ZNG1E: variants seen among roughly 807,000 people sequenced by gnomAD.
The protein encoded by ZNG1E is zinc-regulated GTPase metalloprotein activator 1E.
the ZNG1E span, among the ~76,000 whole-genome samples, chr9:65,671,326 G>T: frequency 2.6e-5 from 4 of 152,114 alleles, no homozygotes; most frequent in South Asian, 2.1e-4. Context: ...AAAACTGATT[G>T]GTTAACATCA....
the ZNG1E span, among the ~76,000 whole-genome samples, chr9:65,680,755 A>G: frequency 2.6e-5 from 4 of 152,244 alleles, no homozygotes; most frequent in Non-Finnish European, 5.9e-5. Flanking sequence ...TTAAGTAAGT[A>G]TTGCTAGGAA....
At chr9:65,687,960 C>CT in the ZNG1E span, among the ~76,000 whole-genome samples, 8 of 137,668 alleles carry the variant, frequency 5.8e-5, no homozygotes, top group South Asian at 2.3e-4. Context: ...ACCATGAATA[C>CT]TTTTTTTTTG....
the ZNG1E span, among the ~76,000 whole-genome samples, chr9:65,655,262 G>A: frequency 6.6e-6 from 1 of 151,846 alleles, no homozygotes; most frequent in Non-Finnish European, 1.5e-5. Context: ...ATGAACACTT[G>A]GGAAGTCCTG....
the ZNG1E span, among the ~76,000 whole-genome samples, chr9:65,691,583 T>TA: frequency 2.0e-3 from 307 of 150,854 alleles, no homozygotes; most frequent in African/African-American, 6.4e-3. Flanking sequence ...AGGTTTTCTT[T>TA]AAAAAAAACA....
At chr9:65,691,228 G>A in the ZNG1E span, among the ~76,000 whole-genome samples, 4,782 of 146,634 alleles carry the variant, frequency 0.033, 7 homozygotes, top group African/African-American at 0.067. Flanking sequence ...GACTACAGGC[G>A]TGCACCATCG....
chr9:65,691,683 T>C, the ZNG1E span, among the ~76,000 whole-genome samples: 1 of 152,370 alleles, frequency 6.6e-6, no homozygotes, highest in Non-Finnish European at 1.5e-5. Flanking sequence ...CCAGGCAATA[T>C]GAGGATCATA....
chr9:65,681,060 T>G, the ZNG1E span, among the ~76,000 whole-genome samples: 2 of 151,796 alleles, frequency 1.3e-5, no homozygotes, highest in Admixed American at 1.3e-4. Flanking sequence ...TAAGTTTAAT[T>G]TTTAAATGAG....
the ZNG1E span, among the ~76,000 whole-genome samples, chr9:65,695,352 C>CT: frequency 2.3e-5 from 2 of 86,546 alleles, no homozygotes; most frequent in African/African-American, 7.6e-5. Flanking sequence ...CTTTCTTTCT[C>CT]TTTTTTCGGT....
chr9:65,720,934 A>G, the ZNG1E span, among the ~76,000 whole-genome samples: 1 of 149,080 alleles, frequency 6.7e-6, no homozygotes, highest in Non-Finnish European at 1.5e-5. Flanking sequence ...AAATGAATAA[A>G]TGAGAGAAAT....
chr9:65,680,151 T>C, the ZNG1E span, among the ~76,000 whole-genome samples: 1 of 150,068 alleles, frequency 6.7e-6, no homozygotes, highest in Admixed American at 6.6e-5. Context: ...TCTTCATAAG[T>C]ATGAATTGTA....
At chr9:65,727,503 A>G in the ZNG1E span, among the ~76,000 whole-genome samples, 1 of 130,758 alleles carries the variant, frequency 7.6e-6, no homozygotes, top group Non-Finnish European at 1.6e-5. Context: ...CGCCTTCAAG[A>G]GTCTCACCTA....
At chr9:65,704,906 G>C in the ZNG1E span, 4 of 21,032 alleles carry the variant, frequency 1.9e-4, no homozygotes, top group Non-Finnish European at 2.7e-4. Context: ...GCGAGACTCT[G>C]TCTCAAAAAA....
chr9:65,665,168 T>C, the ZNG1E span, among the ~76,000 whole-genome samples: 1 of 152,280 alleles, frequency 6.6e-6, no homozygotes, highest in African/African-American at 2.4e-5. Context: ...TGAATGTTAA[T>C]CCCCAAGACA....
At chr9:65,667,098 C>T in the ZNG1E span, among the ~76,000 whole-genome samples, 2 of 152,156 alleles carry the variant, frequency 1.3e-5, no homozygotes, top group Non-Finnish European at 2.9e-5. Context: ...TGGGATTACA[C>T]ATGTGAGCCA....
At chr9:65,667,035 G>T in the ZNG1E span, among the ~76,000 whole-genome samples, 1,010 of 151,732 alleles carry the variant, frequency 6.7e-3, no homozygotes, top group African/African-American at 0.023. Context: ...CGGTCAGGCT[G>T]TTCTCAAACT....
the ZNG1E span, among the ~76,000 whole-genome samples, chr9:65,709,961 G>A: frequency 2.6e-4 from 39 of 151,034 alleles, no homozygotes; most frequent in African/African-American, 9.1e-4. Context: ...CTAGTTTACA[G>A]TCCCGCCAAC....
the ZNG1E span, among the ~76,000 whole-genome samples, chr9:65,678,579 G>C: frequency 1.4e-5 from 2 of 146,208 alleles, no homozygotes; most frequent in Non-Finnish European, 3.0e-5. Flanking sequence ...TCATACAGTT[G>C]AACTACAATA....
the ZNG1E span, among the ~76,000 whole-genome samples, chr9:65,661,558 C>A: frequency 6.6e-6 from 1 of 152,216 alleles, no homozygotes; most frequent in African/African-American, 2.4e-5. Context: ...ACTAAAGAAT[C>A]CATTATTTCT....
chr9:65,727,254 G>A, the ZNG1E span, among the ~76,000 whole-genome samples: 1 of 146,878 alleles, frequency 6.8e-6, no homozygotes, highest in Non-Finnish European at 1.5e-5. Flanking sequence ...AACAAATCCT[G>A]GAAACATATC....
Sources: allele counts gnomAD v4.1 joint callset (sites outside exome capture counted in the v4.1 genomes callset), GRCh38; gene constraint gnomAD v4.1.1; transcripts MANE v1.5; gene names NCBI Gene and HGNC (gene_info 2026-07-23, HGNC 2026-07-21).